TRIP12: variants seen among roughly 807,000 people sequenced by gnomAD.
TRIP12 encodes E3 ubiquitin-protein ligase TRIP12.
Under a neutral mutation model 244.2 loss-of-function variants are expected in TRIP12, and 25 were observed. The ratio of observed to expected loss-of-function variants is 0.10; its 90% CI spans 0.07 to 0.14. The LOEUF (loss-of-function observed/expected upper bound fraction) is 0.14. Ranked by LOEUF, TRIP12 falls within the 10% of genes least tolerant of loss-of-function variation. The pLI, the probability that TRIP12 is intolerant of heterozygous loss-of-function variation, is 1.00. For synonymous variants in TRIP12, 905 were observed against 873.1 expected, an observed-to-expected ratio of 1.04 and a Z score of -0.64; for missense variants, 1,677 against 2,486.4, an observed-to-expected ratio of 0.67 and a Z score of 6.92.
intron 2 of TRIP12, among the ~76,000 whole-genome samples, chr2:229,864,877 T>C (rs2061229348): frequency 6.6e-6 from 1 of 152,214 alleles, no homozygotes; most frequent in Admixed American, 6.5e-5. Context: ...TGTTAACTTT[T>C]AGGCACATAG....
At chr2:229,922,456 A>AC (rs2076746784), upstream of TRIP12, 19 of 1,561,862 alleles carry the variant, frequency 1.2e-5, no homozygotes, top group African/African-American at 2.7e-5. Flanking sequence ...TGGCCCCTTG[A>AC]CCCCAACCAA....
chr2:229,798,632 C>T (rs1272983168), intron 23 of TRIP12, among the ~76,000 whole-genome samples: 1 of 152,062 alleles, frequency 6.6e-6, no homozygotes, highest in Admixed American at 6.5e-5. Flanking sequence ...TGGTTTTGAA[C>T]GTATAAGACT....
In TRIP12 at chr2:229,778,759, A is replaced by G; in HGVS notation, c.5209+117T>C. 3 of 1,335,552 alleles carry G rather than the reference A, an allele frequency of 2.2e-6. No individual in the cohort carries two copies. The Admixed American group carries it at 6.3e-5, about 28-fold the overall frequency. The allele number at this position is 1,335,552 out of a possible 1,614,324, so 82.7% of individuals were successfully genotyped here. On this transcript the variant is annotated intron_variant, in intron 35 of 41. Transcript: ENST00000675903. The surrounding 1 kb of genome is among the most constrained non-coding windows in gnomAD (Gnocchi z 4.1). ...CCCTATTTGATAAATGAGAAAACAG[A>G]GGCTAAAAGAAAGCAAGTACAGCTG...
At chr2:229,914,815 A>C (rs1037807941) in intron 1 of TRIP12, among the ~76,000 whole-genome samples, 2 of 152,326 alleles carry the variant, frequency 1.3e-5, no homozygotes, top group South Asian at 4.1e-4. Context: ...ACTTAGGCTT[A>C]TAAATAGCCT....
chr2:229,908,456 G>A (rs1025142567), intron 1 of TRIP12, among the ~76,000 whole-genome samples: 3 of 152,192 alleles, frequency 2.0e-5, no homozygotes, highest in African/African-American at 7.2e-5. Flanking sequence ...CAGTTTAAGA[G>A]ATTTTAGGCC....
At chr2:229,872,301 T>C (rs1240231986) in intron 2 of TRIP12, among the ~76,000 whole-genome samples, 2 of 151,992 alleles carry the variant, frequency 1.3e-5, no homozygotes, top group East Asian at 3.9e-4. Flanking sequence ...TGGTGGCTCA[T>C]GCCTGTAATC....
At chr2:229,789,839 G>A (rs749835710) in intron 30 of TRIP12, 77 bp from the exon 31 acceptor site, 22 of 1,481,980 alleles carry the variant, frequency 1.5e-5, no homozygotes, top group South Asian at 2.6e-5. Context: ...TCCTATCATC[G>A]CTAAAAGAGT....
Position 229,905,205 on chromosome 2 carries a change from C to T in TRIP12, c.-50+16675G>A, listed in dbSNP as rs377402086. ...AGGAGAATCGCCTGAACCTGGGAGG[C>T]AGACGTTGCGGTGAGCCGAGATCGC... is the stretch of plus-strand genomic sequence containing the variant. On this transcript the variant is annotated intron_variant, in intron 1 of 41. Coordinates refer to ENST00000675903, the MANE Select transcript of TRIP12 (RefSeq NM_001348323.3). Among the ~76,000 whole-genome samples the T allele has an allele frequency of 1.3e-4, 20 of 150,132 alleles. No individual in the cohort carries two copies. In the East Asian group the frequency reaches 1.6e-3, roughly 12 times the overall value.
intron 2 of TRIP12, among the ~76,000 whole-genome samples, chr2:229,876,010 A>C (rs1324020735): frequency 1.3e-5 from 2 of 152,230 alleles, no homozygotes; most frequent in Non-Finnish European, 2.9e-5. Flanking sequence ...GCAGTGGCTC[A>C]TGCCTGTAAT....
At chr2:229,861,477 T>TA (rs2060477386) in intron 2 of TRIP12, among the ~76,000 whole-genome samples, 1 of 152,198 alleles carries the variant, frequency 6.6e-6, no homozygotes, top group Admixed American at 6.5e-5. Context: ...CATAAGAGCA[T>TA]ATACCAATGA....
chr2:229,913,568 T>G (rs553823149), intron 1 of TRIP12, among the ~76,000 whole-genome samples: 1 of 152,352 alleles, frequency 6.6e-6, no homozygotes, highest in East Asian at 1.9e-4. Context: ...TAACAATTCC[T>G]TAAGTAGCTG....
intron 13 of TRIP12, among the ~76,000 whole-genome samples, chr2:229,813,052 T>C (rs999174596): frequency 6.6e-6 from 1 of 152,202 alleles, no homozygotes; most frequent in Admixed American, 6.5e-5. Context: ...AACCCTGCTT[T>C]TCACACTGTT....
intron 27 of TRIP12, among the ~76,000 whole-genome samples, 159 bp from the exon 28 acceptor site, chr2:229,792,385 T>C (rs1012319054): frequency 1.3e-5 from 2 of 152,190 alleles, no homozygotes; most frequent in African/African-American, 2.4e-5. Flanking sequence ...AGATTTCAAA[T>C]TTTTTCAGAT....
chr2:229,769,203 A>T, intron 40 of TRIP12, 28 bp downstream of exon 40: 14 of 1,598,520 alleles, frequency 8.8e-6, no homozygotes, highest in Non-Finnish European at 1.2e-5. Flanking sequence ...CAGAATCAAC[A>T]GAAAAACTGG....
Position 229,778,580 on chromosome 2 carries a change from T to C in TRIP12, c.5217A>G (p.Gln1739=), listed in dbSNP as rs2037056545. The C allele has an allele frequency of 6.2e-7, 1 of 1,609,804 alleles. No homozygotes were observed. The highest frequency in any genetic ancestry group is 8.5e-7 in the Non-Finnish European group (1 of 1,178,182). The change falls in exon 36 of 42, where the codon CAA becomes CAG. Residue 1739 remains glutamine, a synonymous_variant. Transcript: ENST00000675903. This position sits in a 1 kb window ranked among gnomAD's most constrained non-coding sequence, Gnocchi z 4.1. ...GGTTTTGAATATACTTGGTCCCTTC[T>C]TGGCTCCCTGAAAAACAAGCAATGC... is the stretch of plus-strand genomic sequence containing the variant. ...EVTLSNPKGS[Q]EGTKYIQNLQ...
intron 5 of TRIP12, among the ~76,000 whole-genome samples, chr2:229,840,230 C>T (rs533241): frequency 0.8 from 122,355 of 152,142 alleles, 49,613 homozygotes; most frequent in East Asian, 0.91. Flanking sequence ...CTACTGTCAA[C>T]AGTATTGTGA....
chr2:229,869,731 G>A (rs1476694860), intron 2 of TRIP12, among the ~76,000 whole-genome samples: 1 of 152,074 alleles, frequency 6.6e-6, no homozygotes, highest in African/African-American at 2.4e-5. Context: ...GCCAAAAGAG[G>A]CATTATTAAA....
intron 26 of TRIP12, among the ~76,000 whole-genome samples, chr2:229,794,676 A>G (rs1362744662): frequency 2.0e-5 from 3 of 152,128 alleles, no homozygotes; most frequent in Non-Finnish European, 4.4e-5. Context: ...ACATAGAACA[A>G]TTCTTTCCTG....
chr2:229,808,124 G>A (rs568904291), intron 16 of TRIP12, 128 bp downstream of exon 16: 19 of 750,252 alleles, frequency 2.5e-5, no homozygotes, highest in Middle Eastern at 2.9e-4. Context: ...CCGCCACTAC[G>A]CCCAGGTAAT....
Sources: gnomAD v4.1 joint callset for allele counts (sites outside exome capture counted in the v4.1 genomes callset) on GRCh38, gnomAD v4.1.1 for gene constraint, Gnocchi (gnomAD v3.1) non-coding constraint, MANE v1.5 for transcripts, NCBI Gene and HGNC (gene_info 2026-07-23, HGNC 2026-07-21) for gene names.